ADAM22: variants seen among roughly 807,000 people sequenced by gnomAD.
The protein encoded by ADAM22 is ADAM metallopeptidase domain 22, also known as disintegrin and metalloproteinase domain-containing protein 22.
Under a neutral mutation model 144.6 loss-of-function variants are expected in ADAM22, and 65 were observed. The ratio of observed to expected loss-of-function variants is 0.45; its 90% confidence interval spans 0.37 to 0.55. ADAM22 has a LOEUF of 0.55. Among genes scored for constraint, ADAM22 ranks in the 20% least tolerant of loss-of-function variants. ADAM22 has a pLI of 0.00. For missense variants in ADAM22, 974 were observed against 1,184.9 expected, an observed-to-expected ratio of 0.82 and a Z score of 2.61; for synonymous variants, 391 against 412.6, an observed-to-expected ratio of 0.95 and a Z score of 0.63.
chr7:88,044,294 T>TATG (rs934516165), intron 3 of ADAM22, among the ~76,000 whole-genome samples: 6 of 152,190 alleles, frequency 3.9e-5, no homozygotes, highest in Non-Finnish European at 8.8e-5. Flanking sequence ...CATCTATGAT[T>TATG]ATGATGATGA....
intron 5 of ADAM22, 48 bp downstream of exon 5, chr7:88,108,306 ATT>A: frequency 6.7e-7 from 1 of 1,489,242 alleles, no homozygotes; most frequent in Non-Finnish European, 9.3e-7. Flanking sequence ...TCAATAATTT[ATT>A]TTCTTTATTA....
intron 29 of ADAM22, 77 bp downstream of exon 29, chr7:88,182,101 G>A: frequency 7.8e-7 from 1 of 1,276,736 alleles, no homozygotes; most frequent in Non-Finnish European, 1.1e-6. Flanking sequence ...TAAGCAGATA[G>A]TCAAAGAACT....
rs531503899 is a variant in ADAM22, at chr7:88,198,640, G to A, written c.*2149G>A. 1 of 152,198 alleles carries A rather than the reference G, an allele frequency of 6.6e-6. No individual in the cohort carries two copies. The highest frequency in any genetic ancestry group is 1.5e-5 in the Non-Finnish European group (1 of 68,024). The allele number at this position is 152,198 out of a possible 1,614,324, so 9.4% of individuals were successfully genotyped here. On this transcript the variant is annotated 3_prime_UTR_variant, in exon 32 of 32. Transcript: ENST00000413139. ...GAGTTTATAGATTTGAATATAAGGTGCCTCATGTAAATATGCTTCCTAGTT... is the reference window on the plus strand; with the variant it reads ...GAGTTTATAGATTTGAATATAAGGTACCTCATGTAAATATGCTTCCTAGTT...
Position 88,165,922 on chromosome 7 carries a change from A to G in ADAM22, c.2167A>G (p.Thr723Ala), listed in dbSNP as rs183990435. ...TYFPHNDDAKTGITLSGNGVA... is the reference protein window; with the variant it reads ...TYFPHNDDAKAGITLSGNGVA... ...CTTCCCTCACAATGATGATGCAAAGACTGGTATCACTCTGTCTGGCAATGG... is the reference window on the plus strand; with the variant it reads ...CTTCCCTCACAATGATGATGCAAAGGCTGGTATCACTCTGTCTGGCAATGG... Residue 723 changes from threonine (T) to alanine (A), a missense_variant, in exon 24 of 32, where the codon ACT becomes GCT. Coordinates refer to ENST00000413139, the MANE Select transcript of ADAM22 (RefSeq NM_001324418.2). The G allele has an allele frequency of 1.1e-4, 174 of 1,611,056 alleles. No homozygotes were observed. The highest frequency in any genetic ancestry group is 1.4e-4 in the Non-Finnish European group (164 of 1,178,472).
chr7:88,021,980 C>T (rs1181016951), intron 3 of ADAM22, among the ~76,000 whole-genome samples: 1 of 152,030 alleles, frequency 6.6e-6, no homozygotes, highest in African/African-American at 2.4e-5. Context: ...TCAAGTGATC[C>T]TCCCATTTCC....
intron 2 of ADAM22, among the ~76,000 whole-genome samples, chr7:87,957,323 T>C (rs1489628272): frequency 6.6e-6 from 1 of 152,228 alleles, no homozygotes; most frequent in African/African-American, 2.4e-5. Flanking sequence ...TGTAAAACTT[T>C]CTTCAGTTTG....
At chr7:87,938,092 TC>T (rs1562795290) in intron 2 of ADAM22, among the ~76,000 whole-genome samples, 1 of 152,168 alleles carries the variant, frequency 6.6e-6, no homozygotes, top group Non-Finnish European at 1.5e-5. Context: ...ATTTCTAGTT[TC>T]CCTAAGAGCA....
chr7:87,974,698 G>A (rs552440463), intron 2 of ADAM22, among the ~76,000 whole-genome samples: 2 of 152,306 alleles, frequency 1.3e-5, no homozygotes, highest in South Asian at 4.1e-4. Flanking sequence ...CAGAAACTTC[G>A]TTGCCTGAAA....
chr7:88,060,530 G>C (rs1345566083), intron 3 of ADAM22, among the ~76,000 whole-genome samples: 1 of 152,008 alleles, frequency 6.6e-6, no homozygotes, highest in East Asian at 1.9e-4. Flanking sequence ...TAGCACTTTG[G>C]GAGGCCGAGG....
intron 26 of ADAM22, among the ~76,000 whole-genome samples, chr7:88,175,131 T>G (rs914435848): frequency 2.0e-5 from 3 of 152,230 alleles, no homozygotes; most frequent in South Asian, 4.1e-4. Context: ...ATTGATGCTT[T>G]TAGGAAAGAT....
At chr7:87,994,927 A>C (rs1001912318) in intron 3 of ADAM22, among the ~76,000 whole-genome samples, 17 of 151,630 alleles carry the variant, frequency 1.1e-4, no homozygotes, top group Non-Finnish European at 2.4e-4. Flanking sequence ...TCCCGGGTTC[A>C]CGCCATCCTC....
intron 3 of ADAM22, among the ~76,000 whole-genome samples, chr7:87,990,108 G>C (rs888384696): frequency 1.3e-5 from 2 of 151,984 alleles, no homozygotes; most frequent in South Asian, 4.2e-4. Context: ...GAGTACACTT[G>C]ATGTACTCTA....
chr7:88,135,453 G>A (rs994152785), intron 13 of ADAM22, among the ~76,000 whole-genome samples: 3 of 151,970 alleles, frequency 2.0e-5, no homozygotes, highest in African/African-American at 7.3e-5. Context: ...GCTCTTACAA[G>A]TATAATGTCT....
chr7:88,145,528 ATTTG>A, intron 17 of ADAM22, 21 bp downstream of exon 17: 1 of 1,581,908 alleles, frequency 6.3e-7, no homozygotes, highest in Admixed American at 1.7e-5. Flanking sequence ...ATTAATGACC[ATTTG>A]ACAGAAAAAA....
At position 87,935,139 on chromosome 7, in the gene ADAM22, C is replaced by T; in HGVS notation, c.199C>T (p.His67Tyr). 6.2e-7 allele frequency: 1 copy of T among 1,613,116 alleles called. No individual in the cohort carries two copies. Residue 67 changes from histidine (H) to tyrosine (Y), a missense_variant, in exon 2 of 32, where the codon CAC becomes TAC. Transcript: ENST00000413139. Reference protein sequence around the residue: ...YRSGGEDESRHDALDTRVRGD... With the variant: ...YRSGGEDESRYDALDTRVRGD... ...CTCGGGCGGCGAAGACGAAAGTCGG[C>T]ACGACGCGCTCGACACGCGGGTGCG... is the stretch of plus-strand genomic sequence containing the variant.
intron 7 of ADAM22, among the ~76,000 whole-genome samples, chr7:88,119,511 T>TG (rs998760042): frequency 6.6e-6 from 1 of 152,152 alleles, no homozygotes. Context: ...GGGTGGGGGA[T>TG]GGGGTCTTGC....
intron 3 of ADAM22, among the ~76,000 whole-genome samples, chr7:88,020,771 A>G (rs1797655525): frequency 6.6e-6 from 1 of 152,196 alleles, no homozygotes; most frequent in Admixed American, 6.5e-5. Flanking sequence ...ATACTATGTA[A>G]TTCAAAATAG....
chr7:88,077,364 G>A (rs374592266), intron 4 of ADAM22, among the ~76,000 whole-genome samples: 36 of 152,178 alleles, frequency 2.4e-4, no homozygotes, highest in Non-Finnish European at 4.0e-4. Context: ...AATGAGGGTC[G>A]GGAGCCAAGA....
At chr7:88,190,745 T>C (rs1395762942) in intron 30 of ADAM22, among the ~76,000 whole-genome samples, 2 of 152,148 alleles carry the variant, frequency 1.3e-5, no homozygotes, top group Non-Finnish European at 2.9e-5. Flanking sequence ...TGAGAAATTT[T>C]GAGTTTATTT....
Sources: gnomAD v4.1 joint callset for allele counts (sites outside exome capture counted in the v4.1 genomes callset) on GRCh38, gnomAD v4.1.1 for gene constraint, MANE v1.5 for transcripts, NCBI Gene and HGNC (gene_info 2026-07-23, HGNC 2026-07-21) for gene names.